Variants in RIMS2 observed in about 807,000 individuals in gnomAD.
The protein encoded by RIMS2 is regulating synaptic membrane exocytosis 2, also known as regulating synaptic membrane exocytosis protein 2.
A neutral mutation model predicts 174.4 loss-of-function variants in RIMS2; 59 were observed. That is an observed-to-expected ratio of 0.34 (90% CI 0.27 to 0.42). The LOEUF (loss-of-function observed/expected upper bound fraction) is 0.42, where lower values mean the gene tolerates loss of function less well. Among genes scored for constraint, RIMS2 ranks in the 10% least tolerant of loss-of-function variants. RIMS2 has a pLI of 1.00. For missense variants in RIMS2, 1,620 were observed against 1,666.3 expected, an observed-to-expected ratio of 0.97 and a Z score of 0.48; for synonymous variants, 606 against 572.5, an observed-to-expected ratio of 1.06 and a Z score of -0.84.
At chr8:103,887,754 T>C (rs1440514044) in intron 4 of RIMS2, among the ~76,000 whole-genome samples, 1 of 151,550 alleles carries the variant, frequency 6.6e-6, no homozygotes, top group Non-Finnish European at 1.5e-5. Flanking sequence ...TTAGAACACA[T>C]TAATTGTTTC....
chr8:104,245,044 AG>A lies in RIMS2; in HGVS notation c.3464del (p.Ser1155ThrfsTer6). ...TACAGATGGTAGCATGAACAGCTAC[AG>A]CTCAGAAGGAAAGTGAGTGAGGCTG... On this transcript the variant is annotated frameshift_variant, in exon 20 of 24. Coordinates refer to ENST00000504942, the Ensembl canonical transcript of RIMS2. LOFTEE classifies it high-confidence loss of function. 1 of 1,613,816 alleles carries A rather than the reference AG, an allele frequency of 6.2e-7. No homozygotes were observed. The highest frequency in any genetic ancestry group is 8.5e-7 in the Non-Finnish European group (1 of 1,179,736).
intron 19 of RIMS2, among the ~76,000 whole-genome samples, chr8:104,020,727 T>C (rs1034491183): frequency 3.3e-5 from 5 of 151,924 alleles, no homozygotes; most frequent in African/African-American, 1.2e-4. Flanking sequence ...AAAGTAGAAG[T>C]TTAAAGTAGA....
intron 1 of RIMS2, among the ~76,000 whole-genome samples, chr8:103,521,495 T>C (rs1035513133): frequency 6.6e-6 from 1 of 152,066 alleles, no homozygotes; most frequent in African/African-American, 2.4e-5. Context: ...CATAAATATT[T>C]CTTCCATGAA....
intron 19 of RIMS2, among the ~76,000 whole-genome samples, chr8:104,090,485 A>G (rs1364783973): frequency 6.6e-6 from 1 of 151,824 alleles, no homozygotes; most frequent in Non-Finnish European, 1.5e-5. Flanking sequence ...GTTAGGTTTC[A>G]GATATGAAAG....
chr8:103,568,897 C>A, intron 1 of RIMS2: 1 of 1,093,608 alleles, frequency 9.1e-7, no homozygotes. Context: ...GCAGGAAGAC[C>A]ACATTGCTGC....
At chr8:103,500,942 A>C in exon 1 of RIMS2, 1 of 1,608,276 alleles carries the variant, frequency 6.2e-7, no homozygotes, top group Non-Finnish European at 8.5e-7. Flanking sequence ...GCGGCCTCTC[A>C]GCCGCCTCTG....
intron 19 of RIMS2, among the ~76,000 whole-genome samples, chr8:104,230,725 G>C (rs2099222649): frequency 6.6e-6 from 1 of 152,296 alleles, no homozygotes; most frequent in Admixed American, 6.5e-5. Context: ...GGCCAGGAAA[G>C]AAACATGCAT....
chr8:104,217,756 G>T (rs1463998132), intron 19 of RIMS2, among the ~76,000 whole-genome samples: 1 of 152,140 alleles, frequency 6.6e-6, no homozygotes, highest in East Asian at 1.9e-4. Flanking sequence ...TGGAAGAAAA[G>T]ATTATATATT....
In RIMS2 at chr8:103,516,488, G is replaced by A. The variant is rs541970104; in HGVS notation, c.176+15426G>A. On this transcript the variant is annotated intron_variant, in intron 1 of 23. Coordinates refer to ENST00000504942, the Ensembl canonical transcript of RIMS2. ...ACAATCCACTATGAAATTCTGTCACGAATGACTCTCTTGGTAATTGTTAAC... is the reference window on the plus strand; with the variant it reads ...ACAATCCACTATGAAATTCTGTCACAAATGACTCTCTTGGTAATTGTTAAC... Among the ~76,000 whole-genome samples, 10 of 151,636 alleles carry A rather than the reference G, an allele frequency of 6.6e-5. No homozygotes were observed. In the South Asian group the frequency reaches 1.9e-3, roughly 29 times the overall value.
At chr8:103,614,730 T>A (rs1260854322) in intron 1 of RIMS2, among the ~76,000 whole-genome samples, 1 of 152,210 alleles carries the variant, frequency 6.6e-6, no homozygotes, top group Admixed American at 6.5e-5. Flanking sequence ...CAAAGGAGTA[T>A]ATCTTAGTAT....
chr8:103,866,581 G>C (rs1026076647), intron 3 of RIMS2, among the ~76,000 whole-genome samples: 1 of 151,982 alleles, frequency 6.6e-6, no homozygotes, highest in Non-Finnish European at 1.5e-5. Context: ...CTCCAATTTT[G>C]CTACATACCT....
chr8:103,762,036 G>C lies in RIMS2; in HGVS notation c.388-4191G>C, dbSNP rs1457854530. ...CTAATGTAAATTTTTTTTTTTTTTT[G>C]CTTTCTTTTAGTATTCACTGCAGCT... On this transcript the variant is annotated intron_variant, in intron 2 of 23. Coordinates refer to ENST00000504942, the Ensembl canonical transcript of RIMS2. Among the ~76,000 whole-genome samples, 25 of 87,934 alleles carry C rather than the reference G, an allele frequency of 2.8e-4. No homozygotes were observed. The East Asian group carries it at 7.1e-3, about 25-fold the overall frequency. The allele number at this position is 87,934 out of a possible 152,430, so 57.7% of individuals were successfully genotyped here. A position where few individuals can be genotyped will look rare whatever the true frequency, so the allele number is the denominator to read the frequency against.
At chr8:104,181,935 G>C (rs2098942491) in intron 19 of RIMS2, among the ~76,000 whole-genome samples, 1 of 151,684 alleles carries the variant, frequency 6.6e-6, no homozygotes, top group Admixed American at 6.6e-5. Context: ...CAAGGCAAAT[G>C]TTAGATGTAG....
At chr8:104,177,789 T>A (rs2098913568) in intron 19 of RIMS2, among the ~76,000 whole-genome samples, 1 of 152,192 alleles carries the variant, frequency 6.6e-6, no homozygotes, top group Non-Finnish European at 1.5e-5. Flanking sequence ...CCATATTTAT[T>A]TTTTTACTGT....
At chr8:103,998,521 A>C (rs1030242975) in intron 17 of RIMS2, among the ~76,000 whole-genome samples, 16 of 151,836 alleles carry the variant, frequency 1.1e-4, no homozygotes, top group Admixed American at 3.3e-4. Flanking sequence ...TTAACTCTCT[A>C]TTTATCTACA....
chr8:104,010,916 C>G (rs1447708532), intron 17 of RIMS2, among the ~76,000 whole-genome samples: 3 of 151,994 alleles, frequency 2.0e-5, no homozygotes, highest in African/African-American at 7.2e-5. Flanking sequence ...ATAAACACTC[C>G]AAGTTAAGAA....
At chr8:104,223,534 T>C in intron 19 of RIMS2, 2 of 1,421,524 alleles carry the variant, frequency 1.4e-6, no homozygotes, top group Non-Finnish European at 1.8e-6. Flanking sequence ...AGCCTCAGGG[T>C]CCCGTGGCAC....
intron 1 of RIMS2, among the ~76,000 whole-genome samples, chr8:103,579,724 C>T (rs1038830236): frequency 1.1e-4 from 17 of 152,116 alleles, no homozygotes; most frequent in African/African-American, 4.1e-4. Flanking sequence ...GTTGCTTAAC[C>T]ACTGTATTAG....
chr8:104,076,865 G>A (rs1320750682), intron 19 of RIMS2, among the ~76,000 whole-genome samples: 3 of 150,120 alleles, frequency 2.0e-5, no homozygotes, highest in African/African-American at 7.4e-5. Context: ...TGCTCAGGCT[G>A]GAGAGCAGTG....
Sources: allele counts gnomAD v4.1 joint callset (sites outside exome capture counted in the v4.1 genomes callset), GRCh38; gene constraint gnomAD v4.1.1; transcripts MANE v1.5; gene names NCBI Gene and HGNC (gene_info 2026-07-23, HGNC 2026-07-21).